The following ATE1 variants were observed in gnomAD, a reference collection of about 807,000 sequenced individuals.
The protein encoded by ATE1 is arginyltransferase 1, also known as arginyl-tRNA--protein transferase 1.
In ATE1, 36 loss-of-function variants were observed where a neutral mutation model predicts 70.5. The observed-to-expected ratio is 0.51, with a 90% CI of 0.39 to 0.67. The LOEUF (loss-of-function observed/expected upper bound fraction) is 0.67. Among genes scored for constraint, ATE1 ranks in the 30% least tolerant of loss-of-function variants. The pLI, the probability that ATE1 is intolerant of heterozygous loss-of-function variation, is 0.00. For synonymous variants in ATE1, 232 were observed against 219.3 expected (o/e 1.06, Z -0.51); for missense variants, 593 against 629.5 (o/e 0.94, Z 0.62).
At chr10:121,904,106 C>A (rs922140953) in intron 5 of ATE1, among the ~76,000 whole-genome samples, 1 of 151,544 alleles carries the variant, frequency 6.6e-6, no homozygotes, top group African/African-American at 2.4e-5. Context: ...CCTCAGCCTC[C>A]AGAGTAGCTG....
At chr10:121,774,108 C>G (rs2135901932) in intron 11 of ATE1, among the ~76,000 whole-genome samples, 1 of 152,174 alleles carries the variant, frequency 6.6e-6, no homozygotes, top group Admixed American at 6.5e-5. Context: ...CAATATAACA[C>G]AGTGGTTGAT....
At chr10:121,766,466 G>A (rs1036173622) in intron 11 of ATE1, among the ~76,000 whole-genome samples, 3 of 151,964 alleles carry the variant, frequency 2.0e-5, no homozygotes, top group Admixed American at 6.6e-5. Flanking sequence ...GAGAGAAGAC[G>A]GTAATCCAAC....
At chr10:121,786,972 T>C (rs1946242229) in intron 11 of ATE1, among the ~76,000 whole-genome samples, 1 of 152,196 alleles carries the variant, frequency 6.6e-6, no homozygotes, top group African/African-American at 2.4e-5. Flanking sequence ...TTCTTTGAAG[T>C]AGGCAGAAGT....
chr10:121,909,531 C>G (rs988965793), intron 5 of ATE1, among the ~76,000 whole-genome samples: 10 of 151,994 alleles, frequency 6.6e-5, no homozygotes, highest in African/African-American at 2.4e-4. Context: ...GAAGGGGGAA[C>G]TAGATGAAAC....
intron 10 of ATE1, among the ~76,000 whole-genome samples, chr10:121,822,896 C>T (rs1179078278): frequency 6.6e-6 from 1 of 152,182 alleles, no homozygotes; most frequent in African/African-American, 2.4e-5. Flanking sequence ...GGGCATCTCT[C>T]ACGATGTTTT....
intron 10 of ATE1, among the ~76,000 whole-genome samples, chr10:121,834,007 A>G (rs1456263462): frequency 6.6e-6 from 1 of 152,140 alleles, no homozygotes; most frequent in Non-Finnish European, 1.5e-5. Context: ...TCTTATGAAA[A>G]TGTTCTCCAG....
At chr10:121,806,494 C>T (rs1947102950) in intron 10 of ATE1, among the ~76,000 whole-genome samples, 1 of 152,082 alleles carries the variant, frequency 6.6e-6, no homozygotes, top group South Asian at 2.1e-4. Flanking sequence ...ATACATAATC[C>T]TTGATTAAAC....
chr10:121,884,196 A>C (rs12247749), intron 7 of ATE1, among the ~76,000 whole-genome samples: 19,891 of 151,314 alleles, frequency 0.13, 1,500 homozygotes, highest in East Asian at 0.18. Context: ...AAATTAATTA[A>C]TTCTTTAAAT....
intron 7 of ATE1, among the ~76,000 whole-genome samples, chr10:121,895,238 C>A (rs888273175): frequency 1.3e-5 from 2 of 152,118 alleles, no homozygotes; most frequent in African/African-American, 4.8e-5. Flanking sequence ...TACGTATACA[C>A]CCAAGAAAAT....
intron 8 of ATE1, among the ~76,000 whole-genome samples, chr10:121,866,284 C>T (rs1949661042): frequency 1.3e-5 from 2 of 152,172 alleles, no homozygotes; most frequent in Admixed American, 1.3e-4. Context: ...AAAATATCAA[C>T]AGAAAGCCCT....
intron 8 of ATE1, among the ~76,000 whole-genome samples, chr10:121,860,970 G>A (rs990209432): frequency 6.6e-6 from 1 of 152,138 alleles, no homozygotes; most frequent in African/African-American, 2.4e-5. Flanking sequence ...ATCCCACAGT[G>A]ACAACCCAGA....
chr10:121,759,723 CAAAAAA>C (rs869041308), intron 11 of ATE1, among the ~76,000 whole-genome samples: 16 of 72,728 alleles, frequency 2.2e-4, no homozygotes, highest in Admixed American at 8.1e-4. Context: ...GACTCCGTCT[CAAAAAA>C]AAAAAAAAAA....
At chr10:121,918,654 A>C (rs1032390588) in intron 3 of ATE1, among the ~76,000 whole-genome samples, 2 of 152,212 alleles carry the variant, frequency 1.3e-5, no homozygotes, top group East Asian at 1.9e-4. Context: ...CTGCCTTAGA[A>C]GATACCTTCT....
At chr10:121,780,784 C>A (rs970266426) in intron 11 of ATE1, among the ~76,000 whole-genome samples, 1 of 152,142 alleles carries the variant, frequency 6.6e-6, no homozygotes, top group Non-Finnish European at 1.5e-5. Context: ...TTCATCCAAG[C>A]AGATTTCCCT....
chr10:121,844,489 T>C (rs1344052759), intron 8 of ATE1, among the ~76,000 whole-genome samples: 1 of 152,142 alleles, frequency 6.6e-6, no homozygotes, highest in East Asian at 1.9e-4. Flanking sequence ...CTCATTCAGA[T>C]GGTGGGAATG....
In ATE1 at chr10:121,923,044, G is replaced by A. The variant is rs569956152; in HGVS notation, c.171-633C>T. ...CCTCATCATCGCACATCTGGATAGCGCAATAACCTTTGAACTCATCTTCCT... is the reference window on the plus strand; with the variant it reads ...CCTCATCATCGCACATCTGGATAGCACAATAACCTTTGAACTCATCTTCCT... On this transcript the variant is annotated intron_variant, in intron 2 of 11. Coordinates refer to ENST00000224652, the MANE Select transcript of ATE1 (RefSeq NM_001001976.3). 5.9e-5 allele frequency among the ~76,000 whole-genome samples: 9 copies of A among 152,190 alleles called. No homozygotes were observed. In the South Asian group the frequency reaches 1.2e-3, roughly 21 times the overall value.
chr10:121,766,894 A>G (rs1833593084), intron 11 of ATE1, among the ~76,000 whole-genome samples: 1 of 152,320 alleles, frequency 6.6e-6, no homozygotes, highest in Non-Finnish European at 1.5e-5. Context: ...ACAAACATTT[A>G]AAGAAATAAA....
intron 7 of ATE1, among the ~76,000 whole-genome samples, chr10:121,886,018 C>T (rs1950384945): frequency 6.6e-6 from 1 of 152,000 alleles, no homozygotes; most frequent in Admixed American, 6.6e-5. Flanking sequence ...TTAAGTATCC[C>T]TAATCCAAAA....
intron 10 of ATE1, among the ~76,000 whole-genome samples, chr10:121,806,542 AGGACAACT>A (rs1947105793): frequency 6.6e-6 from 1 of 152,222 alleles, no homozygotes; most frequent in South Asian, 2.1e-4. Context: ...ATACACTATC[AGGACAACT>A]GGAAAATTTC....
Sources: gnomAD v4.1 joint callset for allele counts (sites outside exome capture counted in the v4.1 genomes callset) on GRCh38, gnomAD v4.1.1 for gene constraint, MANE v1.5 for transcripts, NCBI Gene and HGNC (gene_info 2026-07-23, HGNC 2026-07-21) for gene names.